SPECC1L: variants seen among roughly 807,000 people sequenced by gnomAD.
The protein encoded by SPECC1L is sperm antigen with calponin homology and coiled-coil domains 1 like.
SPECC1L carries 40 observed loss-of-function variants against 116.8 expected under a neutral mutation model. That is an observed-to-expected ratio of 0.34 (90% CI 0.27 to 0.45). SPECC1L has a LOEUF of 0.45. Among genes scored for constraint, SPECC1L ranks in the 20% least tolerant of loss-of-function variants. SPECC1L has a pLI of 1.00. For missense variants in SPECC1L, 1,110 were observed against 1,373.6 expected, an observed-to-expected ratio of 0.81 and a Z score of 3.03; for synonymous variants, 504 against 500.6, an observed-to-expected ratio of 1.01 and a Z score of -0.09.
At chr22:24,293,985 G>C (rs1448269123) in intron 2 of SPECC1L, among the ~76,000 whole-genome samples, 2 of 25,520 alleles carry the variant, frequency 7.8e-5, no homozygotes, top group Non-Finnish European at 1.6e-4. Context: ...GTTAGTCTTT[G>C]GGAACTGCAA....
intron 14 of SPECC1L, among the ~76,000 whole-genome samples, chr22:24,381,481 C>T (rs1308043376): frequency 6.6e-6 from 1 of 152,106 alleles, no homozygotes; most frequent in African/African-American, 2.4e-5. Context: ...TTGGATATTC[C>T]TTACTGGAGA....
rs944843879 is a variant in SPECC1L, at chr22:24,395,638, A to T, written c.3088-15950A>T. Among the ~76,000 whole-genome samples the T allele has an allele frequency of 1.8e-4, 28 of 151,632 alleles. 1 individual carries two copies. Among genetic ancestry groups the T allele is most frequent in the South Asian group, 1.0e-3 (5 of 4,806 alleles). On this transcript the variant is annotated intron_variant, in intron 14 of 16. Coordinates refer to ENST00000314328, the MANE Select transcript of SPECC1L (RefSeq NM_015330.6). ...ATCTCAATACTCTTCAGAGAAAATA[A>T]TTTTTTTTTCTCTTTTTCAGACAGA...
chr22:24,334,604 G>C, intron 9 of SPECC1L, 31 bp downstream of exon 9: 1 of 1,611,858 alleles, frequency 6.2e-7, no homozygotes, highest in Non-Finnish European at 8.5e-7. Context: ...TGTGCCTACT[G>C]CATGCGGTTG....
intron 12 of SPECC1L, 89 bp downstream of exon 12, chr22:24,363,433 G>C (rs1320853579): frequency 4.3e-6 from 5 of 1,150,332 alleles, no homozygotes; most frequent in Non-Finnish European, 6.5e-6. Context: ...TCAAACTCCT[G>C]GCCTCAAGCT....
intron 3 of SPECC1L, among the ~76,000 whole-genome samples, chr22:24,310,818 T>C (rs1410019300): frequency 1.3e-5 from 2 of 152,196 alleles, no homozygotes; most frequent in African/African-American, 4.8e-5. Context: ...ATTTTAACTT[T>C]TTTTAATTAA....
chr22:24,317,322 C>A (rs1252594661), intron 4 of SPECC1L, among the ~76,000 whole-genome samples: 3 of 121,412 alleles, frequency 2.5e-5, no homozygotes, highest in South Asian at 2.6e-4. Context: ...CTGACCCCCC[C>A]CACCTCCCTC....
At chr22:24,288,845 T>G (rs1237219032) in intron 2 of SPECC1L, among the ~76,000 whole-genome samples, 1 of 151,914 alleles carries the variant, frequency 6.6e-6, no homozygotes, top group Non-Finnish European at 1.5e-5. Context: ...AGGCTGGTCT[T>G]GAACTCCTGA....
At chr22:24,298,918 C>A (rs938360373) in intron 2 of SPECC1L, among the ~76,000 whole-genome samples, 2 of 152,332 alleles carry the variant, frequency 1.3e-5, no homozygotes, top group African/African-American at 4.8e-5. Context: ...CAGATTGACA[C>A]ATAAATTAAC....
intron 14 of SPECC1L, among the ~76,000 whole-genome samples, chr22:24,384,112 CAT>C (rs144189555): frequency 0.025 from 3,699 of 149,940 alleles, 173 homozygotes; most frequent in African/African-American, 0.087. Flanking sequence ...ATGAAAAAAA[CAT>C]AGTGTAATGG....
chr22:24,383,826 T>TTTTTTTTTTTTTTG (rs2042110467), intron 14 of SPECC1L, among the ~76,000 whole-genome samples: 1 of 118,000 alleles, frequency 8.5e-6, no homozygotes, highest in African/African-American at 3.6e-5. Context: ...TTTTTTTTTT[T>TTTTTTTTTTTTTTG]TTTTTTAGTA....
Position 24,414,697 on chromosome 22 carries a change from T to TA in SPECC1L, c.*75dup. Reference sequence around the variant, plus strand: ...ACCGAGCGACACCGACGCCATTAGCTACGCACCCCTGTAAAGCTTCCAGCA... The same window carrying TA: ...ACCGAGCGACACCGACGCCATTAGCTAACGCACCCCTGTAAAGCTTCCAGCA... On this transcript the variant is annotated 3_prime_UTR_variant, in exon 17 of 17. Coordinates refer to ENST00000314328, the MANE Select transcript of SPECC1L (RefSeq NM_015330.6). 7.7e-7 allele frequency: 1 copy of TA among 1,299,592 alleles called. No homozygotes were observed. Among genetic ancestry groups the TA allele is most frequent in the Non-Finnish European group, 1.1e-6 (1 of 905,318 alleles). The allele number at this position is 1,299,592 out of a possible 1,614,324, so 80.5% of individuals were successfully genotyped here. A position where few individuals can be genotyped will look rare whatever the true frequency, so the allele number is the denominator to read the frequency against.
At chr22:24,300,233 G>A (rs954178274) in intron 2 of SPECC1L, among the ~76,000 whole-genome samples, 3 of 152,106 alleles carry the variant, frequency 2.0e-5, no homozygotes, top group African/African-American at 7.2e-5. Flanking sequence ...AACATGCAGT[G>A]TTTGGTTTTC....
At position 24,411,659 on chromosome 22, in the gene SPECC1L, T is replaced by C. The variant is rs2042700695; in HGVS notation, c.3159T>C (p.Tyr1053=). ...CCTTCTGTGCCCTCCTGCATACATA[T>C]CTCCCTGCCCACATTCCATATCAAG... ...GLAFCALLHT[Y]LPAHIPYQEL... is the part of the protein sequence containing the mutation. The change falls in exon 15 of 17, where the codon TAT becomes TAC. Residue 1053 remains tyrosine (Y), a synonymous_variant. Coordinates refer to ENST00000314328, the MANE Select transcript of SPECC1L (RefSeq NM_015330.6). The C allele has an allele frequency of 1.2e-6, 2 of 1,614,002 alleles. No homozygotes were observed. Among genetic ancestry groups the C allele is most frequent in the Non-Finnish European group, 1.7e-6 (2 of 1,180,030 alleles).
chr22:24,389,616 C>G (rs978289510), intron 14 of SPECC1L, among the ~76,000 whole-genome samples: 2 of 151,030 alleles, frequency 1.3e-5, no homozygotes, highest in Non-Finnish European at 2.9e-5. Flanking sequence ...TTTTTATTTT[C>G]CCTACCCTCT....
intron 1 of SPECC1L, among the ~76,000 whole-genome samples, chr22:24,275,423 G>A (rs2048817807): frequency 1.3e-5 from 2 of 152,168 alleles, no homozygotes; most frequent in Non-Finnish European, 2.9e-5. Flanking sequence ...TTTCTTGAAG[G>A]AGGGGAGTGT....
At chr22:24,317,788 G>C (rs1456907478) in intron 4 of SPECC1L, among the ~76,000 whole-genome samples, 1 of 149,746 alleles carries the variant, frequency 6.7e-6, no homozygotes, top group Non-Finnish European at 1.5e-5. Flanking sequence ...GGGCGGAGGG[G>C]CTCCTCACTT....
chr22:24,387,008 C>A (rs2042173351), intron 14 of SPECC1L, among the ~76,000 whole-genome samples: 1 of 152,118 alleles, frequency 6.6e-6, no homozygotes, highest in South Asian at 2.1e-4. Flanking sequence ...AAGCTGATAA[C>A]ACCAAGTGTT....
chr22:24,391,904 C>T (rs577077656), intron 14 of SPECC1L, among the ~76,000 whole-genome samples: 7 of 152,314 alleles, frequency 4.6e-5, no homozygotes, highest in East Asian at 1.9e-4. Context: ...TTTGCCAATG[C>T]TCTTGTTTAG....
chr22:24,278,329 G>A (rs994641108), intron 2 of SPECC1L, among the ~76,000 whole-genome samples: 2 of 152,192 alleles, frequency 1.3e-5, no homozygotes, highest in African/African-American at 4.8e-5. Context: ...GCACTATACT[G>A]TAGCCTGGGT....
Sources: allele counts gnomAD v4.1 joint callset (sites outside exome capture counted in the v4.1 genomes callset), GRCh38; gene constraint gnomAD v4.1.1; transcripts MANE v1.5; gene names NCBI Gene and HGNC (gene_info 2026-07-23, HGNC 2026-07-21).